ADGRF1: variants seen among roughly 807,000 people sequenced by gnomAD.
ADGRF1 encodes the protein G protein-coupled receptor 110.
Under a neutral mutation model 87.2 loss-of-function variants are expected in ADGRF1, and 85 were observed. The observed-to-expected ratio is 0.97, with a 90% CI of 0.82 to 1.17. The LOEUF (loss-of-function observed/expected upper bound fraction) is 1.17, where lower values mean the gene tolerates loss of function less well. Ranked by LOEUF, ADGRF1 falls within the 50% of genes most tolerant of loss-of-function variation. The pLI, the probability that ADGRF1 is intolerant of heterozygous loss-of-function variation, is 0.00. For missense variants in ADGRF1, 1,169 were observed against 1,077.2 expected (o/e 1.09, Z -1.19); for synonymous variants, 430 against 408.8 (o/e 1.05, Z -0.63).
At chr6:47,001,595 G>A in intron 13 of ADGRF1, 28 bp from the exon 14 acceptor site, 1 of 1,561,984 alleles carries the variant, frequency 6.4e-7, no homozygotes, top group Non-Finnish European at 8.8e-7. Context: ...AAGTCATTTG[G>A]ACATTAATAG....
In ADGRF1 at chr6:47,042,199, T is replaced by C. The variant is rs1240523536; in HGVS notation, c.-52A>G. 6.6e-6 allele frequency: 1 copy of C among 152,204 alleles called. No homozygotes were observed. The highest frequency in any genetic ancestry group is 2.4e-5 in the African/African-American group (1 of 41,458). 9.4% of individuals were successfully genotyped at this position (152,204 alleles called of 1,614,324 possible). ...ACAGTTATTGGGCTTACCTGGTGAT[T>C]TATCTCTTCACACCAGAACTCGAGG... On this transcript the variant is annotated 5_prime_UTR_variant, in exon 1 of 15. Transcript: ENST00000371253.
chr6:47,003,588 C>G (rs1227782389), intron 13 of ADGRF1, among the ~76,000 whole-genome samples: 1 of 152,170 alleles, frequency 6.6e-6, no homozygotes, highest in Non-Finnish European at 1.5e-5. Context: ...TCTATTGATT[C>G]CAGGTCTTCA....
chr6:47,022,804 C>CTTTTTTTTT (rs11286179), intron 5 of ADGRF1, among the ~76,000 whole-genome samples: 53 of 119,278 alleles, frequency 4.4e-4, no homozygotes, highest in African/African-American at 6.1e-4. Flanking sequence ...TTTCTTTTTT[C>CTTTTTTTTT]TTTTTTTTTT....
chr6:47,035,718 T>C (rs574240397), intron 1 of ADGRF1, among the ~76,000 whole-genome samples: 3 of 152,368 alleles, frequency 2.0e-5, no homozygotes, highest in African/African-American at 7.2e-5. Flanking sequence ...AAATCATGAT[T>C]GTTAATTTGA....
At position 47,025,964 on chromosome 6, in the gene ADGRF1, T is replaced by C. The variant is rs746576410; in HGVS notation, c.167A>G (p.Tyr56Cys). 10 of 1,610,208 alleles carry C rather than the reference T, an allele frequency of 6.2e-6. No homozygotes were observed. In the South Asian group the frequency reaches 8.8e-5, roughly 14 times the overall value. Reference sequence around the variant, plus strand: ...ATCTCTTTTCTCCTTGGAATCTCTATAGGTCACCTGAAGCAGCAGCTGATA... The same window carrying C: ...ATCTCTTTTCTCCTTGGAATCTCTACAGGTCACCTGAAGCAGCAGCTGATA... ...EEYQLLLQVT[Y>C]RDSKEKRDLR... The change falls in exon 4 of 15, where the codon TAT becomes TGT. Residue 56 changes from tyrosine to cysteine, a missense_variant. Tyr to Cys is a radical substitution (Grantham distance 194, BLOSUM62 -2). Coordinates refer to ENST00000371253, the MANE Select transcript of ADGRF1 (RefSeq NM_153840.4).
intron 1 of ADGRF1, among the ~76,000 whole-genome samples, chr6:47,031,481 C>G (rs1023269725): frequency 6.6e-6 from 1 of 151,952 alleles, no homozygotes; most frequent in Non-Finnish European, 1.5e-5. Context: ...TGTGGGAAAG[C>G]CTTCTCTCAT....
At chr6:47,012,733 CTGGGCT>C in intron 9 of ADGRF1, 1 of 985,496 alleles carries the variant, frequency 1.0e-6, no homozygotes, top group Middle Eastern at 5.2e-4. Flanking sequence ...GATTTGACTA[CTGGGCT>C]TGTGCCAGCC....
At chr6:47,005,101 C>T (rs1779482903) in intron 13 of ADGRF1, among the ~76,000 whole-genome samples, 1 of 152,184 alleles carries the variant, frequency 6.6e-6, no homozygotes, top group African/African-American at 2.4e-5. Flanking sequence ...AAGAAATTCT[C>T]TGCTTTAGAA....
Position 47,010,212 on chromosome 6 carries a change from A to G in ADGRF1, c.1223T>C (p.Leu408Ser), listed in dbSNP as rs1445342109. ...KYASSRLLET[L>S]ENISTLVPPT... ...AGGCACCAGAGTGCTGATGTTTTCT[A>G]ATGTCTCTAGTAACCGTGAGCTGGC... The change falls in exon 11 of 15, where the codon TTA (leucine) becomes TCA (serine). Residue 408 changes from leucine (L) to serine (S), a missense_variant. Transcript: ENST00000371253. The G allele has an allele frequency of 1.2e-6, 2 of 1,614,066 alleles. No homozygotes were observed.
At position 47,024,753 on chromosome 6, in the gene ADGRF1, C is replaced by G. The variant is rs186727589; in HGVS notation, c.278-536G>C. 2.5e-3 allele frequency among the ~76,000 whole-genome samples: 376 copies of G among 152,224 alleles called. 1 individual carries two copies. Among genetic ancestry groups the G allele is most frequent in the Non-Finnish European group, 4.7e-3 (318 of 68,014 alleles). ...TCACCAAAAGCTAGAAGGATGAAACCAGGACAGCAATATAGTCAAGGTAAG... is the reference window on the plus strand; with the variant it reads ...TCACCAAAAGCTAGAAGGATGAAACGAGGACAGCAATATAGTCAAGGTAAG... On this transcript the variant is annotated intron_variant, in intron 4 of 14. Transcript: ENST00000371253.
At chr6:47,021,837 T>C in intron 6 of ADGRF1, 121 bp downstream of exon 6, 1 of 612,676 alleles carries the variant, frequency 1.6e-6, no homozygotes, top group Non-Finnish European at 2.9e-6. Flanking sequence ...ATAACTGTTT[T>C]GTTATTTGCT....
chr6:47,017,008 A>C, intron 7 of ADGRF1: 4 of 254,808 alleles, frequency 1.6e-5, no homozygotes, highest in Non-Finnish European at 2.6e-5. Context: ...GGGGCCCCAC[A>C]TTAAATAAAG....
At chr6:47,022,738 T>G (rs1187482957) in intron 5 of ADGRF1, among the ~76,000 whole-genome samples, 4 of 152,154 alleles carry the variant, frequency 2.6e-5, no homozygotes, top group Admixed American at 2.6e-4. Flanking sequence ...TGATCCAGTT[T>G]TGTATCTTTC....
intron 7 of ADGRF1, 22 bp downstream of exon 7, chr6:47,020,709 C>G (rs182404766): frequency 6.2e-7 from 1 of 1,612,186 alleles, no homozygotes; most frequent in Admixed American, 1.7e-5. Context: ...GGATGCCCTT[C>G]TAAGACCATT....
chr6:47,029,070 G>C lies in ADGRF1; in HGVS notation c.-9C>G. The C allele has an allele frequency of 6.2e-7, 1 of 1,613,178 alleles. No homozygotes were observed. Among genetic ancestry groups the C allele is most frequent in the Non-Finnish European group, 8.5e-7 (1 of 1,179,110 alleles). On this transcript the variant is annotated 5_prime_UTR_variant, in exon 2 of 15. Transcript: ENST00000371253. Reference sequence around the variant, plus strand: ...AGCACTCCAACTTTCATTTTCCCTGGACTGAACAGCAGCAGTCGGGTGCAT... The same window carrying C: ...AGCACTCCAACTTTCATTTTCCCTGCACTGAACAGCAGCAGTCGGGTGCAT...
chr6:47,011,437 A>G (rs1329880583), intron 10 of ADGRF1, among the ~76,000 whole-genome samples: 1 of 152,242 alleles, frequency 6.6e-6, no homozygotes, highest in Non-Finnish European at 1.5e-5. Context: ...TTTATTGAGC[A>G]CACGCTATAT....
intron 6 of ADGRF1, among the ~76,000 whole-genome samples, chr6:47,021,676 T>C (rs1780056242): frequency 6.6e-6 from 1 of 152,126 alleles, no homozygotes; most frequent in South Asian, 2.1e-4. Flanking sequence ...AAATTTTTTA[T>C]AAAAAAATTA....
At chr6:47,001,716 C>T in intron 13 of ADGRF1, 149 bp from the exon 14 acceptor site, 2 of 616,568 alleles carry the variant, frequency 3.2e-6, no homozygotes, top group Non-Finnish European at 5.6e-6. Flanking sequence ...TGGTTACTTT[C>T]TCACTCTTTC....
chr6:47,027,898 G>T, intron 2 of ADGRF1, 137 bp from the exon 3 acceptor site: 1 of 654,368 alleles, frequency 1.5e-6, no homozygotes, highest in East Asian at 2.6e-5. Context: ...GGCCAGGGAA[G>T]GCCTCACTGG....
Sources: allele counts gnomAD v4.1 joint callset (sites outside exome capture counted in the v4.1 genomes callset), GRCh38; gene constraint gnomAD v4.1.1; transcripts MANE v1.5; gene names NCBI Gene and HGNC (gene_info 2026-07-23, HGNC 2026-07-21).